Variants in DNAH14 observed in about 807,000 individuals in gnomAD.
DNAH14 encodes dynein axonemal heavy chain 14.
In DNAH14, 478 loss-of-function variants were observed where a neutral mutation model predicts 520.9. The observed-to-expected ratio is 0.92, with a 90% CI of 0.85 to 0.99. The LOEUF is 0.99. Ranked by LOEUF, DNAH14 falls within the 50% of genes least tolerant of loss-of-function variation. DNAH14 has a pLI of 0.00. For missense variants in DNAH14, 4,831 were observed against 5,234.5 expected (o/e 0.92, Z 2.38); for synonymous variants, 1,581 against 1,757.2 (o/e 0.90, Z 2.51).
chr1:225,335,056 A>G (rs1201763475), intron 66 of DNAH14, among the ~76,000 whole-genome samples: 2 of 149,420 alleles, frequency 1.3e-5, no homozygotes, highest in African/African-American at 4.9e-5. Flanking sequence ...ATACATATGT[A>G]CATATATGTA....
chr1:225,002,770 T>C lies in DNAH14; in HGVS notation c.831-13T>C, dbSNP rs1341451275. 5 of 1,547,324 alleles carry C rather than the reference T, an allele frequency of 3.2e-6. No individual in the cohort carries two copies. The highest frequency in any genetic ancestry group is 2.0e-5 in the Admixed American group (1 of 50,268). ...AATGAGAGATATATCTGTAGAAATT[T>C]TTTAACTTTCAGGTCATTTTTGTAC... On this transcript the variant is annotated splice_polypyrimidine_tract_variant and intron_variant, in intron 8 of 85. Coordinates refer to ENST00000682510, the MANE Select transcript of DNAH14 (RefSeq NM_001367479.1).
intron 76 of DNAH14, among the ~76,000 whole-genome samples, chr1:225,365,121 G>C (rs565232665): frequency 1.3e-5 from 2 of 152,218 alleles, no homozygotes; most frequent in African/African-American, 4.8e-5. Context: ...GCTCAAACAA[G>C]GATGTTAGAC....
At chr1:224,980,162 T>C (rs2062159103) in intron 8 of DNAH14, among the ~76,000 whole-genome samples, 1 of 152,150 alleles carries the variant, frequency 6.6e-6, no homozygotes, top group Admixed American at 6.5e-5. Flanking sequence ...TTGGCCACAG[T>C]GGGATGGAAT....
chr1:225,296,053 C>G (rs1202763055), intron 55 of DNAH14, among the ~76,000 whole-genome samples: 2 of 151,992 alleles, frequency 1.3e-5, no homozygotes, highest in Non-Finnish European at 2.9e-5. Flanking sequence ...ATAAATATAG[C>G]TACTCCTGCT....
chr1:225,272,209 ATGAG>A, intron 51 of DNAH14, 136 bp downstream of exon 51: 1 of 810,290 alleles, frequency 1.2e-6, no homozygotes, highest in Non-Finnish European at 1.9e-6. Flanking sequence ...AGCTTATCTC[ATGAG>A]TTAGTTGAAG....
At chr1:225,082,425 A>G (rs766870209) in intron 19 of DNAH14, 124 bp from the exon 20 acceptor site, 5 of 675,386 alleles carry the variant, frequency 7.4e-6, no homozygotes, top group Non-Finnish European at 9.4e-6. Context: ...ATTTTAATGT[A>G]GTTTAATAAT....
chr1:225,140,697 G>C (rs2079365419), intron 27 of DNAH14, 71 bp from the exon 28 acceptor site: 1 of 1,179,076 alleles, frequency 8.5e-7, no homozygotes, highest in African/African-American at 1.5e-5. Context: ...ATTTTAATTT[G>C]AATAAAATTT....
intron 8 of DNAH14, among the ~76,000 whole-genome samples, chr1:224,994,259 T>G (rs2063246993): frequency 6.6e-6 from 1 of 152,034 alleles, no homozygotes; most frequent in Non-Finnish European, 1.5e-5. Flanking sequence ...ATCTGTCCAT[T>G]GTTGAAAATT....
rs1045986888 is a variant in DNAH14, at chr1:225,276,098, T to A, written c.8178+17T>A. On this transcript the variant is annotated intron_variant, in intron 53 of 85. Coordinates refer to ENST00000682510, the MANE Select transcript of DNAH14 (RefSeq NM_001367479.1). Reference sequence around the variant, plus strand: ...TCTTTGGAGGTAAACATATATACTATATAAAAATCTGAGGAGTGCTATATA... The same window carrying A: ...TCTTTGGAGGTAAACATATATACTAAATAAAAATCTGAGGAGTGCTATATA... 1.6e-5 allele frequency: 4 copies of A among 245,912 alleles called. No homozygotes were observed. The highest frequency in any genetic ancestry group is 2.6e-5 in the Non-Finnish European group (3 of 115,374). The allele number at this position is 245,912 out of a possible 1,614,324, so 15.2% of individuals were successfully genotyped here. A position where few individuals can be genotyped will look rare whatever the true frequency, so the allele number is the denominator to read the frequency against.
At chr1:224,933,515 AG>A (rs879379668) in intron 1 of DNAH14, among the ~76,000 whole-genome samples, 3 of 152,038 alleles carry the variant, frequency 2.0e-5, no homozygotes, top group Non-Finnish European at 4.4e-5. Context: ...CAGTTGTTAC[AG>A]GAAAGGCTTT....
At chr1:225,182,857 A>T (rs4653611) in intron 36 of DNAH14, among the ~76,000 whole-genome samples, 90,919 of 152,022 alleles carry the variant, frequency 0.6, 27,686 homozygotes, top group East Asian at 0.84. Flanking sequence ...CAATTCACCA[A>T]TGGCTGACTA....
intron 73 of DNAH14, 65 bp downstream of exon 73, chr1:225,353,953 A>G (rs1310576510): frequency 2.0e-5 from 19 of 943,664 alleles, no homozygotes; most frequent in Non-Finnish European, 3.1e-5. Context: ...AGTAACTTAA[A>G]CCCTTCAAAA....
chr1:225,325,992 TG>T (rs1256987944), intron 64 of DNAH14, among the ~76,000 whole-genome samples: 2 of 152,186 alleles, frequency 1.3e-5, no homozygotes, highest in African/African-American at 4.8e-5. Flanking sequence ...AAAACAAATT[TG>T]AACCGAATTT....
chr1:225,289,423 G>A (rs2093816416), intron 54 of DNAH14, among the ~76,000 whole-genome samples: 1 of 152,098 alleles, frequency 6.6e-6, no homozygotes, highest in Non-Finnish European at 1.5e-5. Flanking sequence ...CTTAAAACAG[G>A]TATAAGCTGT....
At chr1:225,165,742 C>G (rs1009595749) in intron 35 of DNAH14, among the ~76,000 whole-genome samples, 9 of 151,882 alleles carry the variant, frequency 5.9e-5, no homozygotes, top group Admixed American at 5.9e-4. Flanking sequence ...CACCACCATT[C>G]CCAGCTAATT....
Position 225,028,764 on chromosome 1 carries a change from C to A in DNAH14, c.1358+4899C>A, listed in dbSNP as rs116809502. Reference sequence around the variant, plus strand: ...AATCACAATGAGACACTTTTACATACCTACTAGAATGGCTAAAACAATACC... The same window carrying A: ...AATCACAATGAGACACTTTTACATAACTACTAGAATGGCTAAAACAATACC... On this transcript the variant is annotated intron_variant, in intron 11 of 85. Coordinates refer to ENST00000682510, the MANE Select transcript of DNAH14 (RefSeq NM_001367479.1). 4.2e-3 allele frequency among the ~76,000 whole-genome samples: 639 copies of A among 152,026 alleles called. 3 individuals carry two copies. The highest frequency in any genetic ancestry group is 0.015 in the African/African-American group (607 of 41,506).
intron 1 of DNAH14, among the ~76,000 whole-genome samples, chr1:224,935,344 A>C (rs1334698090): frequency 6.6e-6 from 1 of 151,888 alleles, no homozygotes; most frequent in Admixed American, 6.6e-5. Context: ...CAAGAAACTC[A>C]CCTTATCAGT....
intron 8 of DNAH14, among the ~76,000 whole-genome samples, chr1:224,999,228 T>C (rs530449854): frequency 6.6e-6 from 1 of 152,252 alleles, no homozygotes; most frequent in South Asian, 2.1e-4. Context: ...GTTTTTGAGA[T>C]GGAATTTCAC....
At chr1:225,133,233 A>T (rs755006867) in intron 27 of DNAH14, among the ~76,000 whole-genome samples, 2 of 152,034 alleles carry the variant, frequency 1.3e-5, no homozygotes, top group African/African-American at 2.4e-5. Flanking sequence ...TAGTTCAGTT[A>T]GATCTCATTT....
Sources: gnomAD v4.1 joint callset for allele counts (sites outside exome capture counted in the v4.1 genomes callset) on GRCh38, gnomAD v4.1.1 for gene constraint, MANE v1.5 for transcripts, NCBI Gene and HGNC (gene_info 2026-07-23, HGNC 2026-07-21) for gene names.